The following LIN9 variants were observed in gnomAD, a reference collection of about 807,000 sequenced individuals.
LIN9 encodes the protein lin-9 DREAM MuvB core complex component, also known as protein lin-9 homolog.
Under a neutral mutation model 78.0 loss-of-function variants are expected in LIN9, and 18 were observed. The observed-to-expected ratio is 0.23, with a 90% CI of 0.16 to 0.34. The LOEUF is 0.34. LIN9 is among the 10% of genes least tolerant of loss of function. LIN9 has a pLI of 1.00. For missense variants in LIN9, 451 were observed against 644.1 expected (o/e 0.70, Z 3.25); for synonymous variants, 192 against 215.2 (o/e 0.89, Z 0.94).
chr1:226,307,928 T>A (rs1663020917), intron 1 of LIN9, among the ~76,000 whole-genome samples: 1 of 152,226 alleles, frequency 6.6e-6, no homozygotes, highest in Non-Finnish European at 1.5e-5. Flanking sequence ...CTGCTCTCTA[T>A]CAAATTTAAA....
chr1:226,271,515 C>T (rs1294566693), intron 7 of LIN9, among the ~76,000 whole-genome samples: 1 of 152,018 alleles, frequency 6.6e-6, no homozygotes, highest in Non-Finnish European at 1.5e-5. Context: ...TGGTATATGT[C>T]GATAAACAAG....
At chr1:226,309,201 CT>C, upstream of LIN9, 1 of 1,460,132 alleles carries the variant, frequency 6.8e-7, no homozygotes, top group East Asian at 2.7e-5. Context: ...GGGGCGGAGA[CT>C]GTCTTTGCGA....
In LIN9 at chr1:226,309,116, A is replaced by T; in HGVS notation, c.24T>A (p.Pro8=). MAELDQL[P]DESSSAKALV... Reference sequence around the variant, plus strand: ...CTTTGAGGTGCTACTCACTCTCGTCAGGCAACTGGTCGAGCTCCGCCATCT... The same window carrying T: ...CTTTGAGGTGCTACTCACTCTCGTCTGGCAACTGGTCGAGCTCCGCCATCT... Residue 8 remains proline (P), a synonymous_variant, in exon 1 of 15, where the codon CCT becomes CCA. Coordinates refer to ENST00000681046, the MANE Select transcript of LIN9 (RefSeq NM_001366245.2). 1 of 1,338,020 alleles carries T rather than the reference A, an allele frequency of 7.5e-7. No individual in the cohort carries two copies. The highest frequency in any genetic ancestry group is 9.7e-7 in the Non-Finnish European group (1 of 1,032,372). The allele number at this position is 1,338,020 out of a possible 1,614,324, so 82.9% of individuals were successfully genotyped here. A position where few individuals can be genotyped will look rare whatever the true frequency, so the allele number is the denominator to read the frequency against.
At chr1:226,277,134 G>A (rs190655509) in intron 7 of LIN9, among the ~76,000 whole-genome samples, 26 of 151,388 alleles carry the variant, frequency 1.7e-4, no homozygotes, top group Admixed American at 4.6e-4. Context: ...GCTTGAGCCC[G>A]GGAGGTCGAG....
At chr1:226,298,730 A>G (rs2126578) in intron 2 of LIN9, among the ~76,000 whole-genome samples, 106,982 of 151,620 alleles carry the variant, frequency 0.71, 37,845 homozygotes, top group East Asian at 0.75. Context: ...GCATGGTGGC[A>G]CGCACCTGTA....
chr1:226,309,600 G>T (rs1471791321), upstream of LIN9: 34 of 1,236,576 alleles, frequency 2.7e-5, no homozygotes, highest in South Asian at 4.3e-4. Context: ...TGCCCGAGGG[G>T]GCTCTACGCA....
rs200219550 is a variant in LIN9, at chr1:226,292,633, AT to A, written c.264+3208del. Among the ~76,000 whole-genome samples, 629 of 151,554 alleles carry A rather than the reference AT, an allele frequency of 4.2e-3. 26 individuals are homozygous for A. In the South Asian group the frequency reaches 0.077, roughly 18 times the overall value. ...CATGCCTGGCTAATTTTTAAAAAAA[AT>A]TTTTTTTGTAGAGACAGGGTCTCAC... On this transcript the variant is annotated intron_variant, in intron 4 of 14. Coordinates refer to ENST00000681046, the MANE Select transcript of LIN9 (RefSeq NM_001366245.2).
chr1:226,308,999 G>T (rs575943903), intron 1 of LIN9, 110 bp downstream of exon 1: 16 of 1,106,680 alleles, frequency 1.4e-5, no homozygotes, highest in South Asian at 3.8e-5. Context: ...AGTGGGGCTG[G>T]CAGTCAGCCC....
chr1:226,296,282 T>C (rs559052769), intron 3 of LIN9, among the ~76,000 whole-genome samples: 16 of 152,316 alleles, frequency 1.1e-4, no homozygotes, highest in Non-Finnish European at 2.2e-4. Flanking sequence ...TGTTGTTGCT[T>C]GGGTTAATAC....
At chr1:226,283,109 C>T (rs888809099) in intron 6 of LIN9, among the ~76,000 whole-genome samples, 1 of 151,824 alleles carries the variant, frequency 6.6e-6, no homozygotes, top group Non-Finnish European at 1.5e-5. Flanking sequence ...TCATGTGTCA[C>T]CCAACTGGCT....
At chr1:226,236,872 T>A (rs1657753901) in intron 12 of LIN9, among the ~76,000 whole-genome samples, 1 of 152,220 alleles carries the variant, frequency 6.6e-6, no homozygotes, top group Non-Finnish European at 1.5e-5. Context: ...AATTATACCA[T>A]GTTTATTAGT....
In LIN9 at chr1:226,233,125, G is replaced by A; in HGVS notation, c.1494C>T (p.Ile498=). 1 of 1,604,566 alleles carries A rather than the reference G, an allele frequency of 6.2e-7. No individual in the cohort carries two copies. The highest frequency in any genetic ancestry group is 1.1e-5 in the South Asian group (1 of 88,964). Residue 498 remains isoleucine, a synonymous_variant, in exon 14 of 15, where the codon ATC becomes ATT. Coordinates refer to ENST00000681046, the MANE Select transcript of LIN9 (RefSeq NM_001366245.2). ...FKSLTDSLND[I]KSTIDASNIS... is the part of the protein sequence containing the mutation. The stretch of plus-strand genomic sequence containing the variant: ...TATTAGAAGCGTCTATTGTACTCTT[G>A]ATATCATTTAATGAGTCTGTAAGTG...
chr1:226,293,158 G>T (rs1367710095), intron 4 of LIN9, among the ~76,000 whole-genome samples: 3 of 152,174 alleles, frequency 2.0e-5, no homozygotes, highest in African/African-American at 4.8e-5. Context: ...AATGAAGATG[G>T]AAAGCACTAG....
rs1419571408 is a variant in LIN9 at position 226,232,821 on chromosome 1, A to T, written c.1524-215T>A. On this transcript the variant is annotated intron_variant, in intron 14 of 14. Coordinates refer to ENST00000681046, the MANE Select transcript of LIN9 (RefSeq NM_001366245.2). ...GGAGCCACGGGGGGCTGGAAGGAGA[A>T]GATGAGTCTCTCACTGACTGGGGAA... The T allele has an allele frequency of 1.1e-4, 56 of 503,018 alleles. 1 individual carries two copies. In the Admixed American group the frequency reaches 2.1e-3, roughly 18 times the overall value. The allele number at this position is 503,018 out of a possible 1,614,324, so 31.2% of individuals were successfully genotyped here. A position where few individuals can be genotyped will look rare whatever the true frequency, so the allele number is the denominator to read the frequency against.
chr1:226,253,931 A>G (rs1185069228), intron 10 of LIN9, among the ~76,000 whole-genome samples: 1 of 152,022 alleles, frequency 6.6e-6, no homozygotes, highest in Non-Finnish European at 1.5e-5. Flanking sequence ...GAAAAAAAAG[A>G]AAGAAAGAAA....
At chr1:226,287,389 A>G (rs1004733832) in intron 5 of LIN9, among the ~76,000 whole-genome samples, 2 of 152,202 alleles carry the variant, frequency 1.3e-5, no homozygotes, top group African/African-American at 4.8e-5. Flanking sequence ...TGGTGTTTTA[A>G]GGTATCTCTA....
chr1:226,292,169 T>C (rs1228105137), intron 4 of LIN9, among the ~76,000 whole-genome samples: 1 of 152,154 alleles, frequency 6.6e-6, no homozygotes, highest in Non-Finnish European at 1.5e-5. Context: ...GAATCTTCTA[T>C]TGACTGATTG....
chr1:226,266,597 G>A (rs575484385), intron 8 of LIN9, among the ~76,000 whole-genome samples: 2 of 151,390 alleles, frequency 1.3e-5, no homozygotes, highest in East Asian at 1.9e-4. Context: ...AAAAAAGGGG[G>A]GGGGTCAAAA....
chr1:226,290,402 A>G (rs958513350), intron 4 of LIN9, among the ~76,000 whole-genome samples: 12 of 148,488 alleles, frequency 8.1e-5, no homozygotes, highest in East Asian at 3.9e-4. Context: ...GTGCAGTGGC[A>G]CGATCTCGGC....
Sources: allele counts gnomAD v4.1 joint callset (sites outside exome capture counted in the v4.1 genomes callset), GRCh38; gene constraint gnomAD v4.1.1; transcripts MANE v1.5; gene names NCBI Gene and HGNC (gene_info 2026-07-23, HGNC 2026-07-21).